Variants in DYRK1B observed in about 807,000 individuals in gnomAD.
DYRK1B encodes the protein dual specificity tyrosine phosphorylation regulated kinase 1B, also known as dual specificity tyrosine-phosphorylation-regulated kinase 1B.
A neutral mutation model predicts 57.1 loss-of-function variants in DYRK1B; 20 were observed. That is an observed-to-expected ratio of 0.35 (90% CI 0.25 to 0.51). DYRK1B has a LOEUF of 0.51. Ranked by LOEUF, DYRK1B falls within the 20% of genes least tolerant of loss-of-function variation. The pLI is 0.96. For synonymous variants in DYRK1B, 409 were observed against 384.7 expected (o/e 1.06, Z -0.74); for missense variants, 732 against 886.3 (o/e 0.83, Z 2.21).
At chr19:39,833,079 C>T in intron 1 of DYRK1B, 1 of 985,412 alleles carries the variant, frequency 1.0e-6, no homozygotes, top group African/African-American at 1.7e-5. Context: ...TCTCTCCTCC[C>T]AGAGTTGTCA....
Position 39,828,231 on chromosome 19 carries a change from A to C in DYRK1B, c.807+66T>G. 1 of 1,556,038 alleles carries C rather than the reference A, an allele frequency of 6.4e-7. No homozygotes were observed. The highest frequency in any genetic ancestry group is 1.2e-5 in the South Asian group (1 of 84,298). ...CCATCCCAGCCAAGCCCCGCCCCTA[A>C]GCCTCCCGTTGGCTCTGCCCCACCC... On this transcript the variant is annotated intron_variant, in intron 6 of 10. Coordinates refer to ENST00000323039, the MANE Select transcript of DYRK1B (RefSeq NM_004714.3). The surrounding 1 kb of genome is among the most constrained non-coding windows in gnomAD (Gnocchi z 4.3).
Position 39,831,911 on chromosome 19 carries a change from GC to G in DYRK1B, c.-45del. Reference sequence around the variant, plus strand: ...CAGGGGAGCGAGGCCTGGAGCGGGAGCCCGGCCGGGGGGCGCCTTCTTGCAT... The same window carrying G: ...CAGGGGAGCGAGGCCTGGAGCGGGAGCCGGCCGGGGGGCGCCTTCTTGCAT... On this transcript the variant is annotated 5_prime_UTR_variant, in exon 2 of 11. It removes the in-frame stop codon of an upstream open reading frame in the 5' UTR. Coordinates refer to ENST00000323039, the MANE Select transcript of DYRK1B (RefSeq NM_004714.3). 1 of 1,442,004 alleles carries G rather than the reference GC, an allele frequency of 6.9e-7. No individual in the cohort carries two copies. 89.3% of individuals were successfully genotyped at this position (1,442,004 alleles called of 1,614,324 possible). A position where few individuals can be genotyped will look rare whatever the true frequency, so the allele number is the denominator to read the frequency against.
In DYRK1B at chr19:39,826,215, G is replaced by A. The variant is rs1418185567; in HGVS notation, c.1483C>T (p.Pro495Ser). ...TTCATCTCACAGTCTGTGATAGGGG[G>A]CCCAGGGCCCCCACAATATCGGTTG... ...YSNRYCGGPG[P>S]PITDCEMNSP... The change falls in exon 10 of 11, where the codon CCC (proline) becomes TCC (serine). Residue 495 changes from proline to serine, a missense_variant. Pro to Ser is a moderately conservative substitution (Grantham distance 74, BLOSUM62 -1). Coordinates refer to ENST00000323039, the MANE Select transcript of DYRK1B (RefSeq NM_004714.3). The surrounding 1 kb of genome is among the most constrained non-coding windows in gnomAD (Gnocchi z 6.3). 5 of 1,596,776 alleles carry A rather than the reference G, an allele frequency of 3.1e-6. No individual in the cohort carries two copies. The highest frequency in any genetic ancestry group is 4.3e-6 in the Non-Finnish European group (5 of 1,174,180).
At chr19:39,832,877 C>T in intron 1 of DYRK1B, 1 of 982,204 alleles carries the variant, frequency 1.0e-6, no homozygotes, top group South Asian at 4.7e-5. Context: ...GGAGGTGTCT[C>T]TTCCCACAGT....
At chr19:39,830,214 CTTGTT>C (rs1968742853) in intron 4 of DYRK1B, 156 bp downstream of exon 4, 2 of 1,157,670 alleles carry the variant, frequency 1.7e-6, no homozygotes, top group East Asian at 4.8e-5. Context: ...TATGTTGAGT[CTTGTT>C]ATTTAAACTG....
intron 6 of DYRK1B, 128 bp from the exon 7 acceptor site, chr19:39,827,784 T>G: frequency 8.4e-7 from 1 of 1,197,150 alleles, no homozygotes; most frequent in Non-Finnish European, 1.2e-6. Flanking sequence ...CTCCAAATCC[T>G]GCCATTATCA....
At chr19:39,833,442 C>T (rs1295712702) in intron 1 of DYRK1B, 1 of 730,940 alleles carries the variant, frequency 1.4e-6, no homozygotes, top group Non-Finnish European at 1.7e-6. Flanking sequence ...CGGTGGGTGA[C>T]AACAGCAGCC....
chr19:39,828,432 TGCCGTGCAGA>T lies in DYRK1B; in HGVS notation c.662_671del (p.Leu221HisfsTer99). 1 of 1,613,950 alleles carries T rather than the reference TGCCGTGCAGA, an allele frequency of 6.2e-7. No individual in the cohort carries two copies. On this transcript the variant is annotated frameshift_variant, in exon 6 of 11. Coordinates refer to ENST00000323039, the MANE Select transcript of DYRK1B (RefSeq NM_004714.3). LOFTEE classifies it high-confidence loss of function. The surrounding 1 kb of genome is among the most constrained non-coding windows in gnomAD (Gnocchi z 4.3). ...GCTCAGGCGTGGCCAGAAAGAGCAG[TGCCGTGCAGA>T]GCTGCTGCGCCAGCTTCCGGGTCAG...
In DYRK1B at chr19:39,827,599, G is replaced by A; in HGVS notation, c.865C>T (p.Pro289Ser). ...YRSPEVLLGT[P>S]YDLAIDMWSL... is the part of the protein sequence containing the mutation. ...CACATGTCAATGGCCAGGTCGTAGG[G>A]TGTGCCCAGGAGCACCTCAGGTGAG... The change falls in exon 7 of 11, where the codon CCC (proline) becomes TCC (serine). Residue 289 changes from proline (P) to serine (S), a missense_variant. Physicochemically the swap from Pro to Ser is moderately conservative, Grantham distance 74 (BLOSUM62 -1). Coordinates refer to ENST00000323039, the MANE Select transcript of DYRK1B (RefSeq NM_004714.3). 1 of 1,614,124 alleles carries A rather than the reference G, an allele frequency of 6.2e-7. No individual in the cohort carries two copies. The highest frequency in any genetic ancestry group is 8.5e-7 in the Non-Finnish European group (1 of 1,179,978).
chr19:39,826,222 GC>G lies in DYRK1B; in HGVS notation c.1475del (p.Gly492AlafsTer11). The G allele has an allele frequency of 6.3e-7, 1 of 1,596,412 alleles. No individual in the cohort carries two copies. The highest frequency in any genetic ancestry group is 8.5e-7 in the Non-Finnish European group (1 of 1,174,054). On this transcript the variant is annotated frameshift_variant, in exon 10 of 11. Coordinates refer to ENST00000323039, the MANE Select transcript of DYRK1B (RefSeq NM_004714.3). LOFTEE classifies it high-confidence loss of function. This position sits in a 1 kb window ranked among gnomAD's most constrained non-coding sequence, Gnocchi z 6.3. ...TYRYSNRYCGGPGPPITDCEM... is the reference protein window; with the variant it reads ...TYRYSNRYCGXPGPPITDCEM... ...CACAGTCTGTGATAGGGGGCCCAGG[GC>G]CCCCACAATATCGGTTGCTGTAGCG...
In DYRK1B at chr19:39,829,871, A is replaced by T. The variant is rs1968726618; in HGVS notation, c.520+9T>A. ...AGGTGCCCACAGCCCTGCCAGTCCCAGGCCTCACCTATATAGTACTTCATC... is the reference window on the plus strand; with the variant it reads ...AGGTGCCCACAGCCCTGCCAGTCCCTGGCCTCACCTATATAGTACTTCATC... On this transcript the variant is annotated intron_variant, in intron 5 of 10. Coordinates refer to ENST00000323039, the MANE Select transcript of DYRK1B (RefSeq NM_004714.3). 1 of 1,612,008 alleles carries T rather than the reference A, an allele frequency of 6.2e-7. No individual in the cohort carries two copies. The highest frequency in any genetic ancestry group is 1.3e-5 in the African/African-American group (1 of 74,830).
chr19:39,827,479 A>T, intron 7 of DYRK1B, 31 bp downstream of exon 7: 1 of 1,610,206 alleles, frequency 6.2e-7, no homozygotes, highest in Non-Finnish European at 8.5e-7. Flanking sequence ...CACCCCCTCC[A>T]CCTCCAGCAC....
chr19:39,827,570 G>A lies in DYRK1B; in HGVS notation c.894C>T (p.Ser298=), dbSNP rs528513054. 4 of 1,613,992 alleles carry A rather than the reference G, an allele frequency of 2.5e-6. No individual in the cohort carries two copies. The highest frequency in any genetic ancestry group is 2.2e-5 in the South Asian group (2 of 91,088). Residue 298 remains serine, a synonymous_variant, in exon 7 of 11, where the codon TCC becomes TCT. Coordinates refer to ENST00000323039, the MANE Select transcript of DYRK1B (RefSeq NM_004714.3). ...GCATCTCCACAAGGATGCAGCCCAGGGACCACATGTCAATGGCCAGGTCGT... is the reference window on the plus strand; with the variant it reads ...GCATCTCCACAAGGATGCAGCCCAGAGACCACATGTCAATGGCCAGGTCGT... ...TPYDLAIDMW[S]LGCILVEMHT...
In DYRK1B at chr19:39,825,501, G is replaced by A; in HGVS notation, c.*214C>T. ...TTGGTACAATAAATAGAAAAAAAGGGGGAGAGGGGCCCAAGGGTCCAGTCC... is the reference window on the plus strand; with the variant it reads ...TTGGTACAATAAATAGAAAAAAAGGAGGAGAGGGGCCCAAGGGTCCAGTCC... On this transcript the variant is annotated 3_prime_UTR_variant, in exon 11 of 11. Coordinates refer to ENST00000323039, the MANE Select transcript of DYRK1B (RefSeq NM_004714.3). The A allele has an allele frequency of 5.2e-6, 3 of 578,716 alleles. No individual in the cohort carries two copies. The highest frequency in any genetic ancestry group is 9.1e-6 in the Non-Finnish European group (3 of 327,912). The allele number at this position is 578,716 out of a possible 1,614,324, so 35.8% of individuals were successfully genotyped here. A position where few individuals can be genotyped will look rare whatever the true frequency, so the allele number is the denominator to read the frequency against.
intron 2 of DYRK1B, among the ~76,000 whole-genome samples, chr19:39,831,095 G>GATAACAGA (rs1209390930): frequency 2.0e-5 from 3 of 152,134 alleles, no homozygotes; most frequent in Non-Finnish European, 4.4e-5. Context: ...TGGAAAACCT[G>GATAACAGA]GGCTCTGTTC....
In DYRK1B at chr19:39,827,330, C is replaced by G. The variant is rs758422050; in HGVS notation, c.1050G>C (p.Leu350=). Residue 350 remains leucine, a synonymous_variant, in exon 8 of 11, where the codon CTG becomes CTC. Coordinates refer to ENST00000323039, the MANE Select transcript of DYRK1B (RefSeq NM_004714.3). The stretch of plus-strand genomic sequence containing the variant: ...TTCGTAGGGTCCAGCCACCCCCAGG[C>G]AGCCGTTCAAAGTACTTGCGAGCCT... ...APKARKYFER[L]PGGGWTLRRT... 1 of 1,613,744 alleles carries G rather than the reference C, an allele frequency of 6.2e-7. No homozygotes were observed. The highest frequency in any genetic ancestry group is 1.3e-5 in the African/African-American group (1 of 75,014).
rs551966789 is a variant in DYRK1B, at chr19:39,825,689, G to T, written c.*26C>A. On this transcript the variant is annotated 3_prime_UTR_variant, in exon 11 of 11. Coordinates refer to ENST00000323039, the MANE Select transcript of DYRK1B (RefSeq NM_004714.3). Reference sequence around the variant, plus strand: ...CCAGATGGGGGAGGGTATGGCTTCAGGAGGGGCCCCAGGGAGGGGGCAGGG... The same window carrying T: ...CCAGATGGGGGAGGGTATGGCTTCATGAGGGGCCCCAGGGAGGGGGCAGGG... The T allele has an allele frequency of 3.9e-6, 6 of 1,540,958 alleles. No individual in the cohort carries two copies. In the South Asian group the frequency reaches 4.8e-5, roughly 12 times the overall value.
chr19:39,832,099 A>G (rs1968845654), intron 1 of DYRK1B, 131 bp from the exon 2 acceptor site: 1 of 1,034,778 alleles, frequency 9.7e-7, no homozygotes, highest in Admixed American at 3.8e-5. Context: ...GGAGCAGCAG[A>G]TAGCAATGAA....
Position 39,828,344 on chromosome 19 carries a change from C to T in DYRK1B, c.760G>A (p.Ala254Thr), listed in dbSNP as rs771887480. 5.6e-6 allele frequency: 9 copies of T among 1,614,048 alleles called. No homozygotes were observed. The highest frequency in any genetic ancestry group is 4.0e-5 in the African/African-American group (3 of 74,918). The change falls in exon 6 of 11, where the codon GCC (alanine) becomes ACC (threonine). Residue 254 changes from alanine to threonine, a missense_variant. Coordinates refer to ENST00000323039, the MANE Select transcript of DYRK1B (RefSeq NM_004714.3). This position sits in a 1 kb window ranked among gnomAD's most constrained non-coding sequence, Gnocchi z 4.3. ...NILLCNPKRS[A>T]IKIVDFGSSC... ...CTGCCGAAGTCCACAATCTTGATGG[C>T]GCTGCGCTTGGGGTTGCACAGCAAG...
Sources: allele counts gnomAD v4.1 joint callset (sites outside exome capture counted in the v4.1 genomes callset), GRCh38; gene constraint gnomAD v4.1.1; non-coding constraint Gnocchi (gnomAD v3.1); transcripts MANE v1.5; gene names NCBI Gene and HGNC (gene_info 2026-07-23, HGNC 2026-07-21).